Variants in CSNK2A2IP observed in about 807,000 individuals in gnomAD.
The protein encoded by CSNK2A2IP is casein kinase II subunit alpha'-interacting protein.
At chr3:88,429,937 A>G in the CSNK2A2IP span, among the ~76,000 whole-genome samples, 4 of 139,440 alleles carry the variant, frequency 2.9e-5, no homozygotes, top group Admixed American at 7.1e-5. Flanking sequence ...TTTTTTTTGT[A>G]TTTTTAGTAG....
the CSNK2A2IP span, among the ~76,000 whole-genome samples, chr3:88,358,415 C>T: frequency 2.0e-5 from 3 of 152,094 alleles, no homozygotes; most frequent in East Asian, 1.9e-4. Flanking sequence ...TGTTCCGGAT[C>T]TTAAACTAAA....
At chr3:88,433,002 G>A in the CSNK2A2IP span, among the ~76,000 whole-genome samples, 1 of 151,478 alleles carries the variant, frequency 6.6e-6, no homozygotes. Flanking sequence ...CAAATATCAG[G>A]CTGTATGTAT....
the CSNK2A2IP span, chr3:88,466,578 T>G: frequency 8.1e-7 from 1 of 1,231,600 alleles, no homozygotes; most frequent in East Asian, 3.2e-5. Context: ...CAGAATCAAA[T>G]AAAGAAATTC....
chr3:88,341,030 C>T, the CSNK2A2IP span, among the ~76,000 whole-genome samples: 9 of 152,024 alleles, frequency 5.9e-5, no homozygotes, highest in Admixed American at 1.3e-4. Flanking sequence ...AATTATGGTT[C>T]ATATTTTTTC....
At chr3:88,384,333 C>T in the CSNK2A2IP span, among the ~76,000 whole-genome samples, 1 of 151,036 alleles carries the variant, frequency 6.6e-6, no homozygotes, top group Admixed American at 6.6e-5. Flanking sequence ...CTTTCTCCCT[C>T]TCTCTCTCTC....
chr3:88,387,015 T>C, the CSNK2A2IP span, among the ~76,000 whole-genome samples: 1 of 152,132 alleles, frequency 6.6e-6, no homozygotes, highest in African/African-American at 2.4e-5. Flanking sequence ...ACAAGTCACA[T>C]GGAGATACAA....
chr3:88,354,157 TA>T, the CSNK2A2IP span, among the ~76,000 whole-genome samples: 1 of 152,226 alleles, frequency 6.6e-6, no homozygotes, highest in South Asian at 2.1e-4. Flanking sequence ...TTGCTGATGC[TA>T]CCCTTCTTGC....
the CSNK2A2IP span, chr3:88,466,182 C>G: frequency 1.6e-6 from 2 of 1,231,648 alleles, no homozygotes; most frequent in Non-Finnish European, 2.0e-6. Context: ...CATTACTTGA[C>G]TCTAGGCTTC....
At chr3:88,344,762 A>C in the CSNK2A2IP span, among the ~76,000 whole-genome samples, 2 of 151,946 alleles carry the variant, frequency 1.3e-5, no homozygotes, top group African/African-American at 4.8e-5. Context: ...TATCACTACC[A>C]CATTGTAAAT....
At chr3:88,374,644 C>A in the CSNK2A2IP span, among the ~76,000 whole-genome samples, 1 of 151,474 alleles carries the variant, frequency 6.6e-6, no homozygotes, top group Non-Finnish European at 1.5e-5. Flanking sequence ...TTTTTGAAAC[C>A]CAGAAAATTT....
At chr3:88,463,388 A>T in the CSNK2A2IP span, among the ~76,000 whole-genome samples, 7 of 152,078 alleles carry the variant, frequency 4.6e-5, no homozygotes, top group Admixed American at 6.6e-5. Flanking sequence ...TTGTTGAGTG[A>T]TAGATGCTTG....
At chr3:88,414,371 C>T in the CSNK2A2IP span, among the ~76,000 whole-genome samples, 1 of 145,026 alleles carries the variant, frequency 6.9e-6, no homozygotes, top group Non-Finnish European at 1.5e-5. Flanking sequence ...TAACCTCCGC[C>T]TCCTGGGTTC....
the CSNK2A2IP span, chr3:88,465,696 T>G: frequency 1.6e-6 from 2 of 1,231,714 alleles, no homozygotes; most frequent in Admixed American, 4.2e-5. Flanking sequence ...CATTGTGGCC[T>G]GCTCAAAGAG....
At chr3:88,465,964 T>C in the CSNK2A2IP span, 1 of 1,231,628 alleles carries the variant, frequency 8.1e-7, no homozygotes, top group African/African-American at 1.5e-5. Flanking sequence ...GACATCATCT[T>C]CCTTGGGACC....
At chr3:88,408,730 C>T in the CSNK2A2IP span, among the ~76,000 whole-genome samples, 3 of 151,980 alleles carry the variant, frequency 2.0e-5, no homozygotes, top group South Asian at 6.2e-4. Context: ...GGAGCTGCTT[C>T]TATGCCATAC....
the CSNK2A2IP span, among the ~76,000 whole-genome samples, chr3:88,435,330 G>A: frequency 6.6e-6 from 1 of 152,084 alleles, no homozygotes; most frequent in African/African-American, 2.4e-5. Context: ...ATGGGCAAGT[G>A]AACTGATTAT....
the CSNK2A2IP span, among the ~76,000 whole-genome samples, chr3:88,385,720 G>A: frequency 3.9e-5 from 6 of 152,302 alleles, no homozygotes; most frequent in African/African-American, 9.6e-5. Flanking sequence ...GATGAGAGCC[G>A]TTGAAATCTG....
chr3:88,460,885 C>CAAGACCAACCTGA, the CSNK2A2IP span, among the ~76,000 whole-genome samples: 1 of 151,712 alleles, frequency 6.6e-6, no homozygotes, highest in African/African-American at 2.4e-5. Flanking sequence ...GTCAGGAGTT[C>CAAGACCAACCTGA]AAGACCAACC....
the CSNK2A2IP span, among the ~76,000 whole-genome samples, chr3:88,459,888 A>G: frequency 6.6e-6 from 1 of 152,112 alleles, no homozygotes; most frequent in Non-Finnish European, 1.5e-5. Flanking sequence ...TTGGGTCACA[A>G]TAGACTATTT....
Sources: gnomAD v4.1 joint callset for allele counts (sites outside exome capture counted in the v4.1 genomes callset) on GRCh38, gnomAD v4.1.1 for gene constraint, MANE v1.5 for transcripts, NCBI Gene and HGNC (gene_info 2026-07-23, HGNC 2026-07-21) for gene names.